The following USP54 variants were observed in gnomAD, a reference collection of about 807,000 sequenced individuals.
USP54 encodes ubiquitin carboxyl-terminal hydrolase 54.
USP54 carries 87 observed loss-of-function variants against 170.5 expected under a neutral mutation model. That is an observed-to-expected ratio of 0.51 (90% confidence interval 0.43 to 0.61). USP54 has a LOEUF of 0.61. Ranked by LOEUF, USP54 falls within the 20% of genes least tolerant of loss-of-function variation. USP54 has a pLI of 0.00. For synonymous variants in USP54, 655 were observed against 742.8 expected (o/e 0.88, Z 1.92); for missense variants, 1,786 against 2,047.8 (o/e 0.87, Z 2.47).
intron 4 of USP54, among the ~76,000 whole-genome samples, chr10:73,565,347 T>C (rs1317886666): frequency 2.0e-5 from 3 of 151,668 alleles, no homozygotes; most frequent in Non-Finnish European, 4.4e-5. Flanking sequence ...TGAGAACCCA[T>C]CTCTACCAAA....
rs528819572 is a variant in USP54 at position 73,550,073 on chromosome 10, G to A, written c.241-4401C>T. On this transcript the variant is annotated intron_variant, in intron 4 of 23. Transcript: ENST00000687698. ...CAAGTAGCTGGGATTACAGGTATGT[G>A]CCACTACACCCGGCTAAGTTTTGCA... Among the ~76,000 whole-genome samples the A allele has an allele frequency of 3.9e-5, 6 of 152,230 alleles. No individual in the cohort carries two copies. The South Asian group carries it at 1.2e-3, about 32-fold the overall frequency.
intron 1 of USP54, among the ~76,000 whole-genome samples, chr10:73,623,611 A>T (rs2081257481): frequency 6.6e-6 from 1 of 152,186 alleles, no homozygotes; most frequent in Non-Finnish European, 1.5e-5. Flanking sequence ...TGATCTTGCC[A>T]CTGCACTCCA....
rs755101738 is a variant in USP54 at position 73,517,516 on chromosome 10, G to A, written c.2910C>T (p.His970=). 1 of 1,614,212 alleles carries A rather than the reference G, an allele frequency of 6.2e-7. No individual in the cohort carries two copies. Among genetic ancestry groups the A allele is most frequent in the Non-Finnish European group, 8.5e-7 (1 of 1,180,028 alleles). ...EVDNIEPSAF[H]RQGLPKAPGW... is the part of the protein sequence containing the mutation. ...CTGGTGCTTTAGGTAAACCTTGCCT[G>A]TGGAATGCAGAGGGTTCAATGTTGT... is the stretch of plus-strand genomic sequence containing the variant. Residue 970 remains histidine (H), a synonymous_variant, in exon 20 of 24, where the codon CAC becomes CAT. Coordinates refer to ENST00000687698, the MANE Select transcript of USP54 (RefSeq NM_001391956.1).
chr10:73,596,139 A>C, upstream of USP54, among the ~76,000 whole-genome samples: 1 of 148,166 alleles, frequency 6.7e-6, no homozygotes, highest in Non-Finnish European at 1.5e-5. Context: ...CAAAAAAAAC[A>C]GGCCGGGTGC....
intron 4 of USP54, among the ~76,000 whole-genome samples, chr10:73,552,444 G>A (rs2069680421): frequency 6.6e-6 from 1 of 150,668 alleles, no homozygotes; most frequent in South Asian, 2.1e-4. Flanking sequence ...TACTACCCAG[G>A]GTTATTTGAG....
At chr10:73,504,466 T>A (rs192448999) in intron 22 of USP54, 1 of 214,438 alleles carries the variant, frequency 4.7e-6, no homozygotes, top group African/African-American at 2.3e-5. Context: ...TTCTATTCAA[T>A]CACATACTGG....
At chr10:73,569,765 G>A (rs539691709) in intron 4 of USP54, among the ~76,000 whole-genome samples, 5,248 of 137,898 alleles carry the variant, frequency 0.038, 146 homozygotes, top group South Asian at 0.13. Flanking sequence ...AAAAAAAAAA[G>A]AAAAAAAAAA....
intron 1 of USP54, among the ~76,000 whole-genome samples, chr10:73,622,578 C>A (rs912769710): frequency 1.3e-5 from 2 of 152,076 alleles, no homozygotes; most frequent in African/African-American, 4.8e-5. Flanking sequence ...CCCACCTCAG[C>A]CTCCCAAAGT....
chr10:73,520,354 C>G (rs1423181077), intron 18 of USP54, among the ~76,000 whole-genome samples: 6 of 152,348 alleles, frequency 3.9e-5, no homozygotes, highest in African/African-American at 9.6e-5. Context: ...CAATGGCCAA[C>G]AGCAGAAATA....
intron 10 of USP54, 57 bp from the exon 11 acceptor site, chr10:73,536,494 A>T: frequency 6.9e-7 from 1 of 1,445,490 alleles, no homozygotes; most frequent in South Asian, 1.7e-5. Flanking sequence ...CACAATTCAC[A>T]ACATATCTTT....
At chr10:73,617,003 TA>T (rs1475933576) in intron 1 of USP54, among the ~76,000 whole-genome samples, 1 of 149,810 alleles carries the variant, frequency 6.7e-6, no homozygotes, top group African/African-American at 2.5e-5. Context: ...AATAAAGAAA[TA>T]AAAAGATGTT....
intron 14 of USP54, 92 bp downstream of exon 14, chr10:73,530,051 C>T: frequency 1.3e-6 from 2 of 1,515,764 alleles, no homozygotes. Context: ...AGTAAAAGTG[C>T]CCCTTGCCAG....
chr10:73,567,626 C>T (rs142148060), intron 4 of USP54, among the ~76,000 whole-genome samples: 1,894 of 152,106 alleles, frequency 0.012, 44 homozygotes, highest in African/African-American at 0.042. Context: ...GAGCTGAGGT[C>T]GCGCCATTGC....
chr10:73,571,611 A>C, intron 3 of USP54, 98 bp from the exon 4 acceptor site: 1 of 861,476 alleles, frequency 1.2e-6, no homozygotes, highest in Non-Finnish European at 1.8e-6. Context: ...ACTGCAGAAG[A>C]TGTCTTTATT....
At chr10:73,606,242 T>C (rs2079620276) in intron 1 of USP54, 1 of 148,592 alleles carries the variant, frequency 6.7e-6, no homozygotes, top group South Asian at 2.1e-4. Flanking sequence ...AATGTGAATG[T>C]ATGCAACACT....
At chr10:73,530,116 C>T in intron 14 of USP54, 27 bp downstream of exon 14, 2 of 1,568,190 alleles carry the variant, frequency 1.3e-6, no homozygotes, top group South Asian at 2.4e-5. Flanking sequence ...ATTCAAAAGC[C>T]CAATTCTTCC....
intron 12 of USP54, among the ~76,000 whole-genome samples, chr10:73,533,285 G>A (rs1415750521): frequency 1.3e-5 from 2 of 151,570 alleles, no homozygotes. Context: ...CAGCCTGGGC[G>A]ACAGAGCGAC....
At chr10:73,539,018 T>A (rs749884611) in intron 10 of USP54, among the ~76,000 whole-genome samples, 2 of 151,994 alleles carry the variant, frequency 1.3e-5, no homozygotes, top group Non-Finnish European at 2.9e-5. Flanking sequence ...CAGTGGCTCA[T>A]GCCTATAATT....
chr10:73,568,528 G>C (rs2074342512), intron 4 of USP54, among the ~76,000 whole-genome samples: 1 of 152,140 alleles, frequency 6.6e-6, no homozygotes, highest in Admixed American at 6.5e-5. Flanking sequence ...AAAACGTGAA[G>C]TGTGTTCAAA....
Sources: allele counts gnomAD v4.1 joint callset (sites outside exome capture counted in the v4.1 genomes callset), GRCh38; gene constraint gnomAD v4.1.1; transcripts MANE v1.5; gene names NCBI Gene and HGNC (gene_info 2026-07-23, HGNC 2026-07-21).